The following ZC3H12B variants were observed in gnomAD, a reference collection of about 807,000 sequenced individuals.
ZC3H12B encodes zinc finger CCCH-type containing 12B, also known as probable ribonuclease ZC3H12B.
A neutral mutation model predicts 43.9 loss-of-function variants in ZC3H12B; 7 were observed. The ratio of observed to expected loss-of-function variants is 0.16; its 90% CI spans 0.09 to 0.30. The LOEUF (loss-of-function observed/expected upper bound fraction) is 0.30, where lower values mean the gene tolerates loss of function less well. ZC3H12B is among the 10% of genes least tolerant of loss of function. The pLI is 1.00. For synonymous variants in ZC3H12B, 222 were observed against 241.7 expected (o/e 0.92, Z 0.76); for missense variants, 475 against 670.2 (o/e 0.71, Z 3.22).
the ZC3H12B span, among the ~76,000 whole-genome samples, chrX:65,158,418 A>T: frequency 1.2e-4 from 13 of 111,323 alleles, no homozygotes; most frequent in African/African-American, 3.9e-4. Context: ...ATTTCTCCAC[A>T]TCCTCTCCAG....
the ZC3H12B span, among the ~76,000 whole-genome samples, chrX:65,196,878 A>G: frequency 1.3e-4 from 15 of 111,883 alleles, no homozygotes; most frequent in African/African-American, 4.6e-4. Context: ...TGCTACAACT[A>G]TCAGTCCCTG....
At chrX:65,386,443 T>A (rs929973122) in intron 2 of ZC3H12B, among the ~76,000 whole-genome samples, 128 of 112,183 alleles carry the variant, frequency 1.1e-3, no homozygotes, top group African/African-American at 4.0e-3. Context: ...TAGAGGTGTT[T>A]ATAGTATTCT....
chrX:65,077,447 A>T, the ZC3H12B span, among the ~76,000 whole-genome samples: 8 of 112,148 alleles, frequency 7.1e-5, no homozygotes, highest in African/African-American at 2.3e-4. Context: ...CTGGAGCTTC[A>T]CTGCTACTCC....
At chrX:65,269,612 G>A in the ZC3H12B span, among the ~76,000 whole-genome samples, 1 of 110,322 alleles carries the variant, frequency 9.1e-6, no homozygotes, top group Non-Finnish European at 1.9e-5. Flanking sequence ...CAAGCCTCCT[G>A]CCTCAGCCTC....
chrX:65,177,209 C>T, the ZC3H12B span, among the ~76,000 whole-genome samples: 1 of 111,940 alleles, frequency 8.9e-6, no homozygotes, highest in African/African-American at 3.2e-5. Context: ...GCAGGAAAGG[C>T]CTTCAATAAT....
chrX:65,492,529 A>T (rs1195575141), intron 1 of ZC3H12B, among the ~76,000 whole-genome samples: 1 of 112,007 alleles, frequency 8.9e-6, no homozygotes, highest in Non-Finnish European at 1.9e-5. Context: ...AGAGTAGACC[A>T]TGTAATTTTT....
At chrX:65,134,726 C>A in the ZC3H12B span, among the ~76,000 whole-genome samples, 1 of 111,324 alleles carries the variant, frequency 9.0e-6, no homozygotes, top group Non-Finnish European at 1.9e-5. Context: ...CACGTGCGTC[C>A]GTGTGAAGAG....
At chrX:65,071,665 G>A in the ZC3H12B span, among the ~76,000 whole-genome samples, 3 of 111,707 alleles carry the variant, frequency 2.7e-5, no homozygotes, top group African/African-American at 9.8e-5. Flanking sequence ...AATTCCCTAA[G>A]CATTTGCTTT....
chrX:65,332,989 C>A, the ZC3H12B span, among the ~76,000 whole-genome samples: 3 of 111,471 alleles, frequency 2.7e-5, no homozygotes, highest in African/African-American at 9.8e-5. Flanking sequence ...GAACTCTGTT[C>A]CATAAGGAAT....
intron 3 of ZC3H12B, among the ~76,000 whole-genome samples, chrX:65,449,338 G>T (rs1385440713): frequency 9.0e-6 from 1 of 111,697 alleles, no homozygotes; most frequent in Admixed American, 9.5e-5. Flanking sequence ...GAAAATGTGG[G>T]CCAGGCATGG....
chrX:65,199,720 G>C, the ZC3H12B span, among the ~76,000 whole-genome samples: 1 of 109,644 alleles, frequency 9.1e-6, no homozygotes, highest in Admixed American at 9.7e-5. Flanking sequence ...AACTGCATTT[G>C]TTTGCTGATG....
the ZC3H12B span, among the ~76,000 whole-genome samples, chrX:65,289,603 G>T: frequency 9.2e-6 from 1 of 109,156 alleles, no homozygotes; most frequent in Admixed American, 9.9e-5. Flanking sequence ...ATATATAAAA[G>T]CTATAGTAAC....
At chrX:65,107,866 A>G in the ZC3H12B span, among the ~76,000 whole-genome samples, 1 of 111,246 alleles carries the variant, frequency 9.0e-6, no homozygotes, top group African/African-American at 3.3e-5. Context: ...AGTTCTTTAT[A>G]GCAGCATTAG....
the ZC3H12B span, among the ~76,000 whole-genome samples, chrX:65,190,169 G>T: frequency 9.1e-6 from 1 of 110,199 alleles, no homozygotes; most frequent in African/African-American, 3.3e-5. Context: ...CTCTGTTTTG[G>T]TACCAGTACC....
At chrX:65,074,173 T>C in the ZC3H12B span, among the ~76,000 whole-genome samples, 3 of 112,093 alleles carry the variant, frequency 2.7e-5, no homozygotes, top group African/African-American at 9.7e-5. Context: ...GTGCATCTAG[T>C]TGTGATGAAC....
At position 65,489,355 on chromosome X, in the gene ZC3H12B, A is replaced by G; in HGVS notation, c.554A>G (p.Asp185Gly). The G allele has an allele frequency of 1.7e-6, 2 of 1,208,755 alleles. No individual in the cohort carries two copies. Among genetic ancestry groups the G allele is most frequent in the Non-Finnish European group, 2.2e-6 (2 of 893,741 alleles). ...GAATTGTCTCTTGAAGATGAAATAG[A>G]TAACAGTGACAATTTGAGGCCAGTT... is the stretch of plus-strand genomic sequence containing the variant. Residue 185 changes from aspartate to glycine, a missense_variant, in exon 1 of 5, where the codon GAT becomes GGT. By Grantham distance (94) the Asp-to-Gly change is moderately conservative. Around this residue, in one of 3 missense-constraint regions of ZC3H12B, gnomAD observed 160 missense variants for 236.0 expected, o/e 0.68. Transcript: ENST00000338957.
At chrX:65,412,892 G>A (rs746844904) in intron 3 of ZC3H12B, among the ~76,000 whole-genome samples, 8 of 111,281 alleles carry the variant, frequency 7.2e-5, no homozygotes, top group Non-Finnish European at 1.3e-4. Context: ...TACAGTGTCT[G>A]AACCAATTCA....
chrX:65,284,807 C>A, the ZC3H12B span, among the ~76,000 whole-genome samples: 6 of 110,125 alleles, frequency 5.4e-5, no homozygotes, highest in Admixed American at 5.8e-4. Context: ...TTAAAAGAAC[C>A]AAATAGAAAT....
chrX:65,240,350 C>T, the ZC3H12B span, among the ~76,000 whole-genome samples: 25 of 111,488 alleles, frequency 2.2e-4, no homozygotes, highest in Admixed American at 2.2e-3. Flanking sequence ...ATTTTCTTTG[C>T]TTGGTCTATT....
Sources: gnomAD v4.1 joint callset for allele counts (sites outside exome capture counted in the v4.1 genomes callset) on GRCh38, gnomAD v4.1.1 for gene constraint, gnomAD v4.1.1 regional missense constraint, MANE v1.5 for transcripts, NCBI Gene and HGNC (gene_info 2026-07-23, HGNC 2026-07-21) for gene names.